Variants in SFMBT2 observed in about 807,000 individuals in gnomAD.
The protein encoded by SFMBT2 is scm-like with four MBT domains protein 2.
A neutral mutation model predicts 110.1 loss-of-function variants in SFMBT2; 38 were observed. The ratio of observed to expected loss-of-function variants is 0.35; its 90% CI spans 0.27 to 0.45. The LOEUF is 0.45. Among genes scored for constraint, SFMBT2 ranks in the 20% least tolerant of loss-of-function variants. The pLI is 1.00. For synonymous variants in SFMBT2, 425 were observed against 425.4 expected (o/e 1.00, Z 0.01); for missense variants, 1,011 against 1,094.9 (o/e 0.92, Z 1.08).
chr10:7,308,832 C>T (rs970852448), intron 4 of SFMBT2, among the ~76,000 whole-genome samples: 1 of 152,184 alleles, frequency 6.6e-6, no homozygotes, highest in Non-Finnish European at 1.5e-5. Context: ...GAAGCCTGCA[C>T]AGTAAACAAT....
At chr10:7,214,484 A>C (rs1839465079) in intron 11 of SFMBT2, 2 of 867,502 alleles carry the variant, frequency 2.3e-6, no homozygotes, top group Non-Finnish European at 2.8e-6. Context: ...GCATTTCTTA[A>C]GATGGGCAAA....
intron 4 of SFMBT2, among the ~76,000 whole-genome samples, chr10:7,359,738 G>A (rs758616284): frequency 6.6e-6 from 1 of 152,076 alleles, no homozygotes; most frequent in South Asian, 2.1e-4. Flanking sequence ...CGCCAAAAAA[G>A]ACAAATTGGA....
intron 4 of SFMBT2, among the ~76,000 whole-genome samples, chr10:7,290,725 T>G (rs1198076028): frequency 6.6e-6 from 1 of 151,784 alleles, no homozygotes; most frequent in Non-Finnish European, 1.5e-5. Context: ...TAGTCCCAGC[T>G]GCTTGGGAGG....
At chr10:7,359,457 C>A (rs1480034056) in intron 4 of SFMBT2, among the ~76,000 whole-genome samples, 1 of 152,220 alleles carries the variant, frequency 6.6e-6, no homozygotes, top group East Asian at 1.9e-4. Flanking sequence ...TGGAAACACA[C>A]AGCACCAACT....
intron 11 of SFMBT2, 29 bp from the exon 12 acceptor site, chr10:7,205,957 T>C: frequency 1.2e-6 from 2 of 1,612,546 alleles, no homozygotes; most frequent in Non-Finnish European, 1.7e-6. Context: ...AAACAAGAGG[T>C]ACAAACAGAT....
chr10:7,402,218 G>A (rs1564477184), intron 1 of SFMBT2, among the ~76,000 whole-genome samples: 1 of 152,052 alleles, frequency 6.6e-6, no homozygotes, highest in Non-Finnish European at 1.5e-5. Context: ...TAGTTGTGAA[G>A]TGTGTACCTT....
intron 6 of SFMBT2, among the ~76,000 whole-genome samples, chr10:7,280,393 G>A (rs1411593859): frequency 6.6e-6 from 1 of 151,916 alleles, no homozygotes; most frequent in Non-Finnish European, 1.5e-5. Context: ...AAAAATGGGG[G>A]GAGGGGGTGA....
intron 9 of SFMBT2, among the ~76,000 whole-genome samples, chr10:7,231,690 CAGTT>C (rs1232569536): frequency 1.7e-5 from 2 of 116,212 alleles, no homozygotes; most frequent in Non-Finnish European, 3.6e-5. Context: ...TTGTAAGCAA[CAGTT>C]AATTATTCCG....
intron 4 of SFMBT2, among the ~76,000 whole-genome samples, chr10:7,327,943 T>C (rs914476515): frequency 2.0e-5 from 3 of 152,220 alleles, no homozygotes; most frequent in Admixed American, 1.3e-4. Context: ...ACCCAGGTTT[T>C]ATGTGAACGT....
chr10:7,408,049 C>T lies in SFMBT2; in HGVS notation c.-52+2812G>A, dbSNP rs886875502. Among the ~76,000 whole-genome samples the T allele has an allele frequency of 4.6e-5, 7 of 152,386 alleles. No individual in the cohort carries two copies. Among genetic ancestry groups the T allele is most frequent in the Non-Finnish European group, 1.0e-4 (7 of 68,044 alleles). ...TGTTCTTTGTAATCAACTGTACATCCGCTTCCACGGCACGGCCTCGTGCAA... is the reference window on the plus strand; with the variant it reads ...TGTTCTTTGTAATCAACTGTACATCTGCTTCCACGGCACGGCCTCGTGCAA... On this transcript the variant is annotated intron_variant, in intron 1 of 20. Transcript: ENST00000397167. The surrounding 1 kb of genome is among the most constrained non-coding windows in gnomAD (Gnocchi z 5.7).
chr10:7,292,337 A>C (rs1842284567), intron 4 of SFMBT2: 1 of 228,946 alleles, frequency 4.4e-6, no homozygotes, highest in African/African-American at 2.3e-5. Flanking sequence ...AGAAAAAAAG[A>C]TGACAGAGTT....
intron 20 of SFMBT2, among the ~76,000 whole-genome samples, chr10:7,166,721 C>T (rs1008437604): frequency 6.6e-6 from 1 of 152,102 alleles, no homozygotes; most frequent in African/African-American, 2.4e-5. Context: ...GAAAGGGCTT[C>T]GAACTGAGAC....
chr10:7,224,886 AG>A (rs1259607602), intron 10 of SFMBT2, among the ~76,000 whole-genome samples: 2 of 152,394 alleles, frequency 1.3e-5, no homozygotes, highest in East Asian at 3.9e-4. Flanking sequence ...AAAGAAATCA[AG>A]GTAATTCACA....
intron 1 of SFMBT2, among the ~76,000 whole-genome samples, chr10:7,404,702 T>C (rs1260422880): frequency 6.6e-6 from 1 of 152,232 alleles, no homozygotes; most frequent in Non-Finnish European, 1.5e-5. Flanking sequence ...ATCACATGAA[T>C]GGAAGCCTAG....
At chr10:7,369,387 T>TCC (rs1845000409) in intron 3 of SFMBT2, among the ~76,000 whole-genome samples, 1 of 152,234 alleles carries the variant, frequency 6.6e-6, no homozygotes, top group Non-Finnish European at 1.5e-5. Context: ...CCCAACTTCT[T>TCC]AGAACCCAGG....
chr10:7,278,166 G>C (rs1333304373), intron 6 of SFMBT2, among the ~76,000 whole-genome samples: 2 of 152,108 alleles, frequency 1.3e-5, no homozygotes, highest in African/African-American at 4.8e-5. Flanking sequence ...TTTTCTTCTA[G>C]TTTGGCCTTT....
chr10:7,343,646 T>C (rs1033007416), intron 4 of SFMBT2, among the ~76,000 whole-genome samples: 1 of 152,244 alleles, frequency 6.6e-6, no homozygotes, highest in Non-Finnish European at 1.5e-5. Context: ...ATTAATGATA[T>C]TGAGCATTTT....
intron 4 of SFMBT2, among the ~76,000 whole-genome samples, chr10:7,329,360 C>T (rs866163296): frequency 1.3e-5 from 2 of 152,300 alleles, no homozygotes; most frequent in Admixed American, 6.5e-5. Context: ...TCTCACGAGC[C>T]GAGCTTAGGT....
At chr10:7,200,984 A>T in intron 13 of SFMBT2, 2 of 274,776 alleles carry the variant, frequency 7.3e-6, no homozygotes, top group Non-Finnish European at 1.1e-5. Context: ...ATATCTTAAA[A>T]TGTAACATAG....
Sources: allele counts gnomAD v4.1 joint callset (sites outside exome capture counted in the v4.1 genomes callset), GRCh38; gene constraint gnomAD v4.1.1; non-coding constraint Gnocchi (gnomAD v3.1); transcripts MANE v1.5; gene names NCBI Gene and HGNC (gene_info 2026-07-23, HGNC 2026-07-21).